PCDHGA5: variants seen among roughly 807,000 people sequenced by gnomAD.
The protein encoded by PCDHGA5 is protocadherin gamma subfamily A, 5, also known as protocadherin gamma-A5.
In PCDHGA5, 36 loss-of-function variants were observed where a neutral mutation model predicts 56.7. That is an observed-to-expected ratio of 0.64 (90% CI 0.49 to 0.84). The LOEUF (loss-of-function observed/expected upper bound fraction) is 0.84, where lower values mean the gene tolerates loss of function less well. Among genes scored for constraint, PCDHGA5 ranks in the 40% least tolerant of loss-of-function variants. PCDHGA5 has a pLI of 0.00. For missense variants in PCDHGA5, 1,305 were observed against 1,201.5 expected (o/e 1.09, Z -1.27); for synonymous variants, 563 against 520.2 (o/e 1.08, Z -1.12).
At chr5:141,384,919 G>C in intron 1 of PCDHGA5, 1 of 1,613,976 alleles carries the variant, frequency 6.2e-7, no homozygotes, top group Non-Finnish European at 8.5e-7. Context: ...AGTCTTGGCC[G>C]ACCTGGGCAG....
At chr5:141,509,536 A>T (rs778275338) in intron 3 of PCDHGA5, among the ~76,000 whole-genome samples, 1 of 152,130 alleles carries the variant, frequency 6.6e-6, no homozygotes, top group Non-Finnish European at 1.5e-5. Context: ...AGGATGAAGC[A>T]CCATCTCATT....
At position 141,418,023 on chromosome 5, in the gene PCDHGA5, G is replaced by A. The variant is rs375588252; in HGVS notation, c.2421+51272G>A. 244 of 1,613,996 alleles carry A rather than the reference G, an allele frequency of 1.5e-4. No individual in the cohort carries two copies. The Middle Eastern group carries it at 3.5e-3, about 23-fold the overall frequency. On this transcript the variant is annotated intron_variant, in intron 1 of 3. Coordinates refer to ENST00000518069, the MANE Select transcript of PCDHGA5 (RefSeq NM_018918.3). ...GTGGGGAACCTCGCTAAGGATCTAGGGCTTAGTGTCCTGGATGTGTCGGCT... is the reference window on the plus strand; with the variant it reads ...GTGGGGAACCTCGCTAAGGATCTAGAGCTTAGTGTCCTGGATGTGTCGGCT...
rs541220236 is a variant in PCDHGA5, at chr5:141,382,835, C to A, written c.2421+16084C>A. On this transcript the variant is annotated intron_variant, in intron 1 of 3. Transcript: ENST00000518069. Reference sequence around the variant, plus strand: ...CCTTCCTAAGACAGAGGGGTCCACCCGGATACACCCGCATTCTGAAGCACT... The same window carrying A: ...CCTTCCTAAGACAGAGGGGTCCACCAGGATACACCCGCATTCTGAAGCACT... The A allele has an allele frequency of 2.7e-4, 387 of 1,431,176 alleles. 2 individuals carry two copies. In the Middle Eastern group the frequency reaches 2.8e-3, roughly 10 times the overall value. The allele number at this position is 1,431,176 out of a possible 1,614,324, so 88.7% of individuals were successfully genotyped here. A position where few individuals can be genotyped will look rare whatever the true frequency, so the allele number is the denominator to read the frequency against.
chr5:141,365,954 C>T lies in PCDHGA5; in HGVS notation c.1624C>T (p.Leu542Phe), dbSNP rs553082212. 5.6e-6 allele frequency: 9 copies of T among 1,614,236 alleles called. No homozygotes were observed. The East Asian group carries it at 1.3e-4, about 24-fold the overall frequency. ...AGCCAGCGACAGTGGGAACCCTCCA[C>T]TTAGCAGCAACGTGTCGCTGAGCCT... ...VTASDSGNPP[L>F]SSNVSLSLFV... Residue 542 changes from leucine (L) to phenylalanine (F), a missense_variant, in exon 1 of 4, where the codon CTT becomes TTT. Coordinates refer to ENST00000518069, the MANE Select transcript of PCDHGA5 (RefSeq NM_018918.3).
chr5:141,413,599 C>G, intron 1 of PCDHGA5: 2 of 1,613,830 alleles, frequency 1.2e-6, no homozygotes, highest in East Asian at 2.2e-5. Flanking sequence ...AGCAGAAAAT[C>G]TAGACGTAAA....
chr5:141,390,199 G>A (rs753440941), intron 1 of PCDHGA5: 2 of 1,614,054 alleles, frequency 1.2e-6, no homozygotes, highest in South Asian at 2.2e-5. Context: ...GAGCAGTTGA[G>A]TTCAGGACAA....
chr5:141,380,347 T>G (rs1408007452), intron 1 of PCDHGA5, among the ~76,000 whole-genome samples: 1 of 152,204 alleles, frequency 6.6e-6, no homozygotes, highest in Non-Finnish European at 1.5e-5. Context: ...AACTGTTTTG[T>G]TGTTTGTTTT....
intron 2 of PCDHGA5, among the ~76,000 whole-genome samples, chr5:141,502,654 C>T (rs1424933188): frequency 6.6e-6 from 1 of 152,230 alleles, no homozygotes; most frequent in South Asian, 2.1e-4. Context: ...TAGGCAGCAA[C>T]CCTTCATGCA....
intron 1 of PCDHGA5, among the ~76,000 whole-genome samples, chr5:141,452,356 C>G (rs1008914676): frequency 6.6e-6 from 1 of 152,148 alleles, no homozygotes; most frequent in African/African-American, 2.4e-5. Flanking sequence ...ATCCAAAAGC[C>G]TTGCTTCATT....
In PCDHGA5 at chr5:141,433,837, CA is replaced by C. The variant is rs56191208; in HGVS notation, c.2422-60952del. ...GGGCAACAAGAGTGAAACTCTATCT[CA>C]AAAAAAAAAAAAAAAAACTTTATCC... On this transcript the variant is annotated intron_variant, in intron 1 of 3. Coordinates refer to ENST00000518069, the MANE Select transcript of PCDHGA5 (RefSeq NM_018918.3). Among the ~76,000 whole-genome samples, 895 of 111,670 alleles carry C rather than the reference CA, an allele frequency of 8.0e-3. 6 individuals carry two copies. Among genetic ancestry groups the C allele is most frequent in the South Asian group, 0.02 (67 of 3,288 alleles). The allele number at this position is 111,670 out of a possible 152,430, so 73.3% of individuals were successfully genotyped here. A position where few individuals can be genotyped will look rare whatever the true frequency, so the allele number is the denominator to read the frequency against.
intron 2 of PCDHGA5, among the ~76,000 whole-genome samples, chr5:141,501,109 C>G (rs909874167): frequency 2.0e-5 from 3 of 152,106 alleles, no homozygotes; most frequent in Non-Finnish European, 4.4e-5. Context: ...CCTCGTGATC[C>G]GCCTGCCTCA....
chr5:141,423,061 G>T, intron 1 of PCDHGA5: 2 of 1,614,160 alleles, frequency 1.2e-6, no homozygotes, highest in Non-Finnish European at 1.7e-6. Context: ...CCTGCTTAAG[G>T]CCAGCGAGCC....
At chr5:141,463,301 A>G (rs1277348576) in intron 1 of PCDHGA5, among the ~76,000 whole-genome samples, 2 of 151,638 alleles carry the variant, frequency 1.3e-5, no homozygotes, top group South Asian at 2.1e-4. Flanking sequence ...AATCTCCCCA[A>G]ACTCTAATAT....
intron 1 of PCDHGA5, chr5:141,430,898 G>A: frequency 6.2e-7 from 1 of 1,605,834 alleles, no homozygotes; most frequent in East Asian, 2.2e-5. Flanking sequence ...TAGGGTGGGC[G>A]ACATCTCCAG....
chr5:141,436,590 C>T (rs1050788291), intron 1 of PCDHGA5, among the ~76,000 whole-genome samples: 10 of 152,102 alleles, frequency 6.6e-5, no homozygotes, highest in East Asian at 1.9e-4. Context: ...TTTGAAAGGT[C>T]GTGGTGATGG....
chr5:141,399,794 C>G, intron 1 of PCDHGA5: 1 of 1,613,268 alleles, frequency 6.2e-7, no homozygotes, highest in South Asian at 1.1e-5. Flanking sequence ...GACAACGCAC[C>G]GCGGGTGCTG....
At chr5:141,415,904 C>T in intron 1 of PCDHGA5, 1 of 833,428 alleles carries the variant, frequency 1.2e-6, no homozygotes, top group Non-Finnish European at 1.6e-6. Context: ...AGACAGACTT[C>T]CATACAGAAG....
intron 1 of PCDHGA5, chr5:141,428,598 C>T (rs2097150047): frequency 4.5e-6 from 1 of 224,296 alleles, no homozygotes; most frequent in African/African-American, 2.3e-5. Context: ...TAGCAAGCTT[C>T]ACTGAAGAGA....
intron 1 of PCDHGA5, chr5:141,403,454 C>A: frequency 6.2e-7 from 1 of 1,614,054 alleles, no homozygotes; most frequent in Non-Finnish European, 8.5e-7. Flanking sequence ...GAACTCCCTC[C>A]AGAGCTACCA....
Sources: gnomAD v4.1 joint callset for allele counts (sites outside exome capture counted in the v4.1 genomes callset) on GRCh38, gnomAD v4.1.1 for gene constraint, MANE v1.5 for transcripts, NCBI Gene and HGNC (gene_info 2026-07-23, HGNC 2026-07-21) for gene names.